The following PRELID2 variants were observed in gnomAD, a reference collection of about 807,000 sequenced individuals.
PRELID2 encodes PRELI domain-containing protein 2.
In PRELID2, 25 loss-of-function variants were observed where a neutral mutation model predicts 28.4. That is an observed-to-expected ratio of 0.88 (90% CI 0.64 to 1.23). PRELID2 has a LOEUF of 1.23. Ranked by LOEUF, PRELID2 falls within the 50% of genes most tolerant of loss-of-function variation. The probability of loss-of-function intolerance (pLI) is 0.00; values close to 1 mark genes in which losing one functional copy is unlikely to be tolerated. For synonymous variants in PRELID2, 76 were observed against 71.6 expected, an observed-to-expected ratio of 1.06 and a Z score of -0.31; for missense variants, 201 against 214.4, an observed-to-expected ratio of 0.94 and a Z score of 0.39.
chr5:145,613,442 C>G (rs1318802344), intron 1 of PRELID2, among the ~76,000 whole-genome samples: 3 of 102,918 alleles, frequency 2.9e-5, no homozygotes, highest in Non-Finnish European at 5.5e-5. Context: ...TATCCCTCCC[C>G]CCTCCCCCCA....
At chr5:145,259,994 C>T in the PRELID2 span, among the ~76,000 whole-genome samples, 2 of 152,034 alleles carry the variant, frequency 1.3e-5, no homozygotes, top group East Asian at 1.9e-4. Context: ...AGCACCATCC[C>T]GTTAGTGCTG....
chr5:145,413,618 ACAC>A, the PRELID2 span, among the ~76,000 whole-genome samples: 2 of 63,810 alleles, frequency 3.1e-5, no homozygotes, highest in Non-Finnish European at 7.4e-5. Context: ...AAATACACAC[ACAC>A]ACACACACAC....
chr5:145,508,298 T>TC (rs1561496162), intron 1 of PRELID2, among the ~76,000 whole-genome samples: 2 of 94,916 alleles, frequency 2.1e-5, no homozygotes, highest in Non-Finnish European at 4.4e-5. Flanking sequence ...ATAGATAGAT[T>TC]AAAAAATGTA....
intron 1 of PRELID2, among the ~76,000 whole-genome samples, chr5:145,654,021 AAG>A (rs1304858077): frequency 1.3e-5 from 2 of 152,080 alleles, no homozygotes; most frequent in African/African-American, 4.8e-5. Flanking sequence ...TAAAGAAGAA[AAG>A]AGAGAAGAAT....
the PRELID2 span, among the ~76,000 whole-genome samples, chr5:145,254,310 CCT>C: frequency 6.6e-6 from 1 of 152,004 alleles, no homozygotes; most frequent in South Asian, 2.1e-4. Flanking sequence ...TAAATATTAA[CCT>C]CTGTTTTTCG....
At chr5:145,733,490 T>C (rs184334416) in intron 1 of PRELID2, among the ~76,000 whole-genome samples, 3 of 152,332 alleles carry the variant, frequency 2.0e-5, no homozygotes, top group Admixed American at 2.0e-4. Context: ...CTCATATTAC[T>C]CTGCATTATC....
the PRELID2 span, chr5:145,229,229 G>A: frequency 1.3e-6 from 1 of 789,624 alleles, no homozygotes; most frequent in Non-Finnish European, 2.3e-6. Context: ...CCCCCCAGAT[G>A]AAGGTCCCTG....
intron 1 of PRELID2, among the ~76,000 whole-genome samples, chr5:145,552,683 T>A (rs192052944): frequency 1.8e-3 from 279 of 152,304 alleles, no homozygotes; most frequent in Non-Finnish European, 3.1e-3. Context: ...GTTCTTTTTT[T>A]AAAAATGAGG....
intron 2 of PRELID2, among the ~76,000 whole-genome samples, chr5:145,820,552 A>G (rs1172846544): frequency 1.3e-5 from 2 of 152,178 alleles, no homozygotes; most frequent in Non-Finnish European, 2.9e-5. Flanking sequence ...CAAACTTTCA[A>G]GCACAGATTT....
chr5:145,230,173 G>T, the PRELID2 span: 20 of 404,760 alleles, frequency 4.9e-5, no homozygotes, highest in East Asian at 2.9e-4. Context: ...ACCTAGTGGG[G>T]CTGCCAGGCC....
chr5:145,280,304 A>C, the PRELID2 span, among the ~76,000 whole-genome samples: 1 of 152,198 alleles, frequency 6.6e-6, no homozygotes, highest in Admixed American at 6.5e-5. Context: ...TTGGGCTAGA[A>C]GATAAATGTG....
At chr5:145,699,991 T>G (rs1755370349) in intron 1 of PRELID2, among the ~76,000 whole-genome samples, 1 of 152,056 alleles carries the variant, frequency 6.6e-6, no homozygotes, top group South Asian at 2.1e-4. Context: ...ATTTCCCAAC[T>G]GAAAAACAAT....
intron 1 of PRELID2, among the ~76,000 whole-genome samples, chr5:145,618,202 GT>G (rs1351113992): frequency 6.6e-6 from 1 of 152,060 alleles, no homozygotes; most frequent in Admixed American, 6.5e-5. Context: ...ATTTCTTCTT[GT>G]TTGGATCCAC....
intron 1 of PRELID2, chr5:145,729,413 A>G (rs1398741118): frequency 5.0e-6 from 2 of 402,242 alleles, no homozygotes; most frequent in Non-Finnish European, 8.8e-6. Context: ...TGAAGCTTCA[A>G]GATGACTTTA....
At chr5:145,415,263 T>G in the PRELID2 span, among the ~76,000 whole-genome samples, 1 of 151,976 alleles carries the variant, frequency 6.6e-6, no homozygotes, top group African/African-American at 2.4e-5. Flanking sequence ...TTGTTTTTTA[T>G]TTTATTTTCT....
intron 1 of PRELID2, among the ~76,000 whole-genome samples, chr5:145,613,320 G>A (rs1438720969): frequency 6.6e-6 from 1 of 151,260 alleles, no homozygotes; most frequent in Non-Finnish European, 1.5e-5. Context: ...TATACTTTAA[G>A]TTCTAGGGTA....
chr5:145,463,578 T>G, the PRELID2 span, among the ~76,000 whole-genome samples: 1 of 152,170 alleles, frequency 6.6e-6, no homozygotes, highest in African/African-American at 2.4e-5. Flanking sequence ...CCTATGCAAC[T>G]TCATAACGGG....
At chr5:145,404,879 T>C in the PRELID2 span, among the ~76,000 whole-genome samples, 4 of 152,154 alleles carry the variant, frequency 2.6e-5, no homozygotes, top group Non-Finnish European at 4.4e-5. Context: ...GACACTGTTA[T>C]GTTAACCTCC....
intron 1 of PRELID2, among the ~76,000 whole-genome samples, chr5:145,677,513 A>G (rs1337041600): frequency 6.6e-6 from 1 of 152,154 alleles, no homozygotes; most frequent in East Asian, 1.9e-4. Flanking sequence ...GGAAGAAATG[A>G]TATCAAGTCT....
Sources: allele counts gnomAD v4.1 joint callset (sites outside exome capture counted in the v4.1 genomes callset), GRCh38; gene constraint gnomAD v4.1.1; transcripts MANE v1.5; gene names NCBI Gene and HGNC (gene_info 2026-07-23, HGNC 2026-07-21).